Variants in PDZD7 observed in about 807,000 individuals in gnomAD.
PDZD7 encodes PDZ domain containing 7, also known as PDZ domain-containing protein 7.
Under a neutral mutation model 84.7 loss-of-function variants are expected in PDZD7, and 72 were observed. The observed-to-expected ratio is 0.85, with a 90% CI of 0.70 to 1.03. The LOEUF (loss-of-function observed/expected upper bound fraction) is 1.03. Ranked by LOEUF, PDZD7 falls within the 50% of genes least tolerant of loss-of-function variation. PDZD7 has a pLI of 0.00. For missense variants in PDZD7, 1,490 were observed against 1,412.9 expected, an observed-to-expected ratio of 1.05 and a Z score of -0.87; for synonymous variants, 594 against 580.7, an observed-to-expected ratio of 1.02 and a Z score of -0.33.
chr10:101,017,107 A>T lies in PDZD7; in HGVS notation c.1523-680T>A, dbSNP rs371437636. Reference sequence around the variant, plus strand: ...ATGACCCAGGCTGGCCAACAAAAGCACTTTCCCTCCCACATCACAGCGATT... The same window carrying T: ...ATGACCCAGGCTGGCCAACAAAAGCTCTTTCCCTCCCACATCACAGCGATT... On this transcript the variant is annotated intron_variant, in intron 9 of 16. Transcript: ENST00000619208. Among the ~76,000 whole-genome samples, 129 of 152,140 alleles carry T rather than the reference A, an allele frequency of 8.5e-4. 3 individuals are homozygous for T. The South Asian group carries it at 0.023, about 28-fold the overall frequency.
In PDZD7 at chr10:101,020,536, C is replaced by A; in HGVS notation, c.928+82G>T. 6 of 1,331,612 alleles carry A rather than the reference C, an allele frequency of 4.5e-6. No individual in the cohort carries two copies. In the South Asian group the frequency reaches 6.0e-5, roughly 13 times the overall value. The allele number at this position is 1,331,612 out of a possible 1,614,324, so 82.5% of individuals were successfully genotyped here. A position where few individuals can be genotyped will look rare whatever the true frequency, so the allele number is the denominator to read the frequency against. ...TACAGGTGTAAGCCACCAAGCCTGG[C>A]CCTTTTCTTCTTCAGAGAGCCGGGC... is the stretch of plus-strand genomic sequence containing the variant. On this transcript the variant is annotated intron_variant, in intron 7 of 16. Coordinates refer to ENST00000619208, the MANE Select transcript of PDZD7 (RefSeq NM_001195263.2).
intron 6 of PDZD7, among the ~76,000 whole-genome samples, chr10:101,020,963 T>C (rs771906548): frequency 6.6e-6 from 1 of 152,208 alleles, no homozygotes; most frequent in Non-Finnish European, 1.5e-5. Context: ...TTTGTCACTA[T>C]CTGCAAGCAT....
intron 14 of PDZD7, chr10:101,011,321 G>C: frequency 2.4e-6 from 1 of 414,394 alleles, no homozygotes; most frequent in Non-Finnish European, 3.9e-6. Context: ...GATTACAGGC[G>C]TGAGCCACCG....
chr10:101,027,082 C>T (rs531221781), intron 2 of PDZD7, among the ~76,000 whole-genome samples: 19 of 152,328 alleles, frequency 1.2e-4, no homozygotes, highest in Non-Finnish European at 1.5e-4. Flanking sequence ...CTTGCTTCCA[C>T]TCTTGCCGCC....
Position 101,019,016 on chromosome 10 carries a change from C to T in PDZD7, c.1130G>A (p.Gly377Glu), listed in dbSNP as rs757382266. 1.7e-5 allele frequency: 27 copies of T among 1,573,684 alleles called. No individual in the cohort carries two copies. The highest frequency in any genetic ancestry group is 2.3e-5 in the Non-Finnish European group (27 of 1,162,356). Reference protein sequence around the residue: ...DTAMQTEPDAGGRVETWCSVR... With the variant: ...DTAMQTEPDAEGRVETWCSVR... ...GCTGCACCAGGTCTCCACCCGGCCTCCCGCATCGGGCTCCGTCTGCATGGC... is the reference window on the plus strand; with the variant it reads ...GCTGCACCAGGTCTCCACCCGGCCTTCCGCATCGGGCTCCGTCTGCATGGC... Residue 377 changes from glycine (G) to glutamate (E), a missense_variant, in exon 8 of 17, where the codon GGA becomes GAA. By Grantham distance (98) the Gly-to-Glu change is moderately conservative (BLOSUM62 -2). Transcript: ENST00000619208.
rs1217151374 is a variant in PDZD7 at position 101,018,871 on chromosome 10, G to A, written c.1275C>T (p.Ser425=). Residue 425 remains serine, a synonymous_variant, in exon 8 of 17, where the codon AGC becomes AGT. Coordinates refer to ENST00000619208, the MANE Select transcript of PDZD7 (RefSeq NM_001195263.2). ...AGCGCGTGATGGGGGGCCGGGGTCG[G>A]CTGAGGGCCAGCAGCAAAGCCGTCT... ...SPKTALLLAL[S]RPRPPITRSQ... is the part of the protein sequence containing the mutation. The A allele has an allele frequency of 1.2e-6, 2 of 1,603,812 alleles. No individual in the cohort carries two copies. The highest frequency in any genetic ancestry group is 8.5e-7 in the Non-Finnish European group (1 of 1,175,340).
chr10:101,016,452 T>G, intron 9 of PDZD7, 25 bp from the exon 10 acceptor site: 2 of 1,550,454 alleles, frequency 1.3e-6, no homozygotes, highest in Middle Eastern at 1.7e-4. Context: ...GAGGCTCAGC[T>G]GCAGGCCTTG....
chr10:101,012,047 G>A, intron 12 of PDZD7, 31 bp from the exon 13 acceptor site: 1 of 1,544,324 alleles, frequency 6.5e-7, no homozygotes, highest in Non-Finnish European at 8.8e-7. Context: ...GCAGGGGTGG[G>A]AGGGGCAGGC....
At chr10:101,025,522 TTTTATTTATTTATTTATTTA>T (rs59545181) in intron 2 of PDZD7, among the ~76,000 whole-genome samples, 3 of 137,944 alleles carry the variant, frequency 2.2e-5, no homozygotes, top group Non-Finnish European at 3.1e-5. Context: ...ATGGAAGGGA[TTTTATTTATTTATTTATTTA>T]TTTATTTATT....
chr10:101,027,730 T>A (rs187237808), intron 2 of PDZD7, among the ~76,000 whole-genome samples: 4 of 152,336 alleles, frequency 2.6e-5, no homozygotes, highest in African/African-American at 9.6e-5. Flanking sequence ...TATTTGTGAT[T>A]TATCTGTCTC....
rs1852753505 is a variant in PDZD7, at chr10:101,017,866, A to AGAAAGAAAGAAAGAAG, written c.1522+232_1522+233insCTTCTTTCTTTCTTTC. ...AAGAAAGAAAGAAAGAAAGAAAGAA[A>AGAAAGAAAGAAAGAAG]GAAAGAAAGAAAGAAAGAAAGAAAG... is the stretch of plus-strand genomic sequence containing the variant. On this transcript the variant is annotated intron_variant, in intron 9 of 16. Coordinates refer to ENST00000619208, the MANE Select transcript of PDZD7 (RefSeq NM_001195263.2). 5 of 434,692 alleles carry AGAAAGAAAGAAAGAAG rather than the reference A, an allele frequency of 1.2e-5. No individual in the cohort carries two copies. The East Asian group carries it at 1.7e-4, about 15-fold the overall frequency. The allele number at this position is 434,692 out of a possible 1,614,324, so 26.9% of individuals were successfully genotyped here.
intron 2 of PDZD7, 136 bp from the exon 3 acceptor site, chr10:101,024,204 G>A: frequency 1.7e-6 from 2 of 1,193,452 alleles, no homozygotes; most frequent in Non-Finnish European, 2.5e-6. Context: ...TAAATGCAGT[G>A]GGGCAGGTCA....
intron 14 of PDZD7, chr10:101,011,442 T>C: frequency 9.1e-7 from 1 of 1,094,224 alleles, no homozygotes; most frequent in Non-Finnish European, 1.2e-6. Context: ...TTCTCAGAGG[T>C]TACTGCATAG....
intron 8 of PDZD7, 68 bp downstream of exon 8, chr10:101,018,754 A>T: frequency 1.3e-6 from 2 of 1,487,598 alleles, no homozygotes; most frequent in South Asian, 2.7e-5. Context: ...TGAGCCCGGG[A>T]CAGGATGTGA....
rs1852294333 is a variant in PDZD7 at position 101,008,687 on chromosome 10, G to A, written c.2882C>T (p.Ser961Leu). The A allele has an allele frequency of 6.5e-7, 1 of 1,535,946 alleles. No individual in the cohort carries two copies. Among genetic ancestry groups the A allele is most frequent in the African/African-American group, 1.4e-5 (1 of 72,998 alleles). Residue 961 changes from serine to leucine, a missense_variant, in exon 17 of 17, where the codon TCA becomes TTA. Ser to Leu is a moderately radical substitution (Grantham distance 145). Transcript: ENST00000619208. Reference protein sequence around the residue: ...GPSPRPSPSDSSALTDGGLPA... With the variant: ...GPSPRPSPSDLSALTDGGLPA... ...AAGGCCCCCATCAGTAAGGGCTGAT[G>A]AGTCAGAGGGTGAGGGCCGTGGGCT...
intron 14 of PDZD7, 64 bp downstream of exon 14, chr10:101,011,626 C>T: frequency 3.9e-6 from 6 of 1,525,422 alleles, no homozygotes; most frequent in South Asian, 1.2e-5. Flanking sequence ...GTAGAAGGCC[C>T]ATCCTCCTTT....
rs1361496122 is a variant in PDZD7 at position 101,030,197 on chromosome 10, C to T, written c.23G>A (p.Gly8Asp). Residue 8 changes from glycine (G) to aspartate (D), a missense_variant, in exon 2 of 17, where the codon GGC becomes GAC. By Grantham distance (94) the Gly-to-Asp change is moderately conservative (BLOSUM62 -1). Coordinates refer to ENST00000619208, the MANE Select transcript of PDZD7 (RefSeq NM_001195263.2). MAQGFAV[G>D]FDPLGLGDLS... ...GTCTCCTAGGCCCAGTGGGTCGAAG[C>T]CCACTGCGAAACCCTGCGCCATGGC... 2 of 1,611,574 alleles carry T rather than the reference C, an allele frequency of 1.2e-6. No homozygotes were observed. Among genetic ancestry groups the T allele is most frequent in the Non-Finnish European group, 8.5e-7 (1 of 1,179,404 alleles).
At chr10:101,023,276 G>A in intron 4 of PDZD7, 160 bp downstream of exon 4, 4 of 792,166 alleles carry the variant, frequency 5.0e-6, no homozygotes, top group East Asian at 2.7e-5. Flanking sequence ...GAAAGATGCA[G>A]CCTCTCCTTA....
chr10:101,030,689 G>A (rs1938094838), intron 1 of PDZD7: 3 of 309,566 alleles, frequency 9.7e-6, no homozygotes, highest in Non-Finnish European at 1.3e-5. Flanking sequence ...CTGGGGCTTA[G>A]AGAGGTGTGA....
Sources: gnomAD v4.1 joint callset for allele counts (sites outside exome capture counted in the v4.1 genomes callset) on GRCh38, gnomAD v4.1.1 for gene constraint, MANE v1.5 for transcripts, NCBI Gene and HGNC (gene_info 2026-07-23, HGNC 2026-07-21) for gene names.